LUM: variants seen among roughly 807,000 people sequenced by gnomAD.
LUM encodes the protein lumican, also known as KSPG lumican.
A neutral mutation model predicts 20.5 loss-of-function variants in LUM; 13 were observed. That is an observed-to-expected ratio of 0.63 (90% CI 0.41 to 1.01). The LOEUF (loss-of-function observed/expected upper bound fraction) is 1.01. Ranked by LOEUF, LUM falls within the 50% of genes least tolerant of loss-of-function variation. LUM has a pLI of 0.00. For missense variants in LUM, 321 were observed against 391.1 expected, an observed-to-expected ratio of 0.82 and a Z score of 1.51; for synonymous variants, 173 against 151.5, an observed-to-expected ratio of 1.14 and a Z score of -1.04.
At position 91,104,174 on chromosome 12, in the gene LUM, A is replaced by C. The variant is rs111724211; in HGVS notation, c.1008T>G (p.Thr336=). The part of the protein sequence containing the change: ...YECLRVANEV[T]LN ...TTCCAGGATACAGATATTAATTAAG[A>C]GTGACTTCGTTAGCAACACGTAGAC... The change falls in exon 3 of 3, where the codon ACT becomes ACG. Residue 336 remains threonine, a synonymous_variant. Transcript: ENST00000266718. The C allele has an allele frequency of 8.1e-6, 13 of 1,611,800 alleles. No individual in the cohort carries two copies. Among genetic ancestry groups the C allele is most frequent in the African/African-American group, 1.3e-5 (1 of 74,850 alleles).
At chr12:91,107,303 A>G (rs1466385061) in intron 2 of LUM, among the ~76,000 whole-genome samples, 47 of 136,512 alleles carry the variant, frequency 3.4e-4, no homozygotes, top group African/African-American at 1.3e-3. Flanking sequence ...GAAAGAAAGA[A>G]AGAAAGAAAG....
chr12:91,107,684 A>G (rs1236193637), intron 2 of LUM, among the ~76,000 whole-genome samples: 1 of 151,954 alleles, frequency 6.6e-6, no homozygotes, highest in Non-Finnish European at 1.5e-5. Flanking sequence ...AGCTAGAATT[A>G]TTCTTTGTTT....
chr12:91,108,072 T>C lies in LUM; in HGVS notation c.862+46A>G, dbSNP rs1488119043. 9.3e-6 allele frequency: 15 copies of C among 1,606,228 alleles called. No individual in the cohort carries two copies. The highest frequency in any genetic ancestry group is 1.3e-5 in the Non-Finnish European group (15 of 1,173,378). On this transcript the variant is annotated intron_variant, in intron 2 of 2. Transcript: ENST00000266718. The surrounding 1 kb of genome is among the most constrained non-coding windows in gnomAD (Gnocchi z 4.2). ...ATCTGTGTTGTGCAGCCCAGGTATT[T>C]AAACACTTGAGCACACATCAAACAC...
At chr12:91,107,949 G>T (rs982171791) in intron 2 of LUM, among the ~76,000 whole-genome samples, 169 bp downstream of exon 2, 1 of 151,954 alleles carries the variant, frequency 6.6e-6, no homozygotes, top group Non-Finnish European at 1.5e-5. Context: ...TCCTGACCTG[G>T]TGATCCGCCC....
At chr12:91,111,205 T>C (rs537940148) in intron 1 of LUM, among the ~76,000 whole-genome samples, 193 bp downstream of exon 1, 3 of 152,320 alleles carry the variant, frequency 2.0e-5, no homozygotes, top group Admixed American at 2.0e-4. Flanking sequence ...ATACAGCATA[T>C]ACTGTATAAA....
chr12:91,102,822 C>T lies in LUM; in HGVS notation c.*1343G>A, dbSNP rs9308292. ...TCAACTCAGTCTCAATGATGATCCT[C>T]TGATGAAAGGCCGCTGTACCATAAG... On this transcript the variant is annotated 3_prime_UTR_variant, in exon 3 of 3. Coordinates refer to ENST00000266718, the MANE Select transcript of LUM (RefSeq NM_002345.4). 0.96 allele frequency: 146,775 copies of T among 152,116 alleles called. 70,833 individuals are homozygous for T. The highest frequency in any genetic ancestry group is 1 in the East Asian group (5,170 of 5,170). 9.4% of individuals were successfully genotyped at this position (152,116 alleles called of 1,614,324 possible).
chr12:91,106,944 G>C (rs1486170407), intron 2 of LUM, among the ~76,000 whole-genome samples: 3 of 151,804 alleles, frequency 2.0e-5, no homozygotes, highest in Non-Finnish European at 4.4e-5. Context: ...GGCCAAGGCA[G>C]ATGGATCAGT....
chr12:91,108,928 C>T lies in LUM; in HGVS notation c.52G>A (p.Gly18Ser). 6.2e-7 allele frequency: 1 copy of T among 1,613,584 alleles called. No homozygotes were observed. Among genetic ancestry groups the T allele is most frequent in the South Asian group, 1.1e-5 (1 of 91,066 alleles). The change falls in exon 2 of 3, where the codon GGC becomes AGC. Residue 18 changes from glycine to serine, a missense_variant. Physicochemically the swap from Gly to Ser is moderately conservative, Grantham distance 56. Coordinates refer to ENST00000266718, the MANE Select transcript of LUM (RefSeq NM_002345.4). The surrounding 1 kb of genome is among the most constrained non-coding windows in gnomAD (Gnocchi z 4.2). ...GGAAAATCATAATCATAGTACTGGC[C>T]ACTGGTACCACCAATCAATGCCAGG... The part of the protein sequence containing the change: ...LFLALIGGTS[G>S]QYYDYDFPLS...
At position 91,103,984 on chromosome 12, in the gene LUM, G is replaced by C. The variant is rs1879969885; in HGVS notation, c.*181C>G. On this transcript the variant is annotated 3_prime_UTR_variant, in exon 3 of 3. Coordinates refer to ENST00000266718, the MANE Select transcript of LUM (RefSeq NM_002345.4). The stretch of plus-strand genomic sequence containing the variant: ...TTGATGTCTATTCGTGTATATGTGT[G>C]TGTTCTTGTGATGAAATAGGCCTGC... 1 of 545,556 alleles carries C rather than the reference G, an allele frequency of 1.8e-6. No individual in the cohort carries two copies. Among genetic ancestry groups the C allele is most frequent in the Admixed American group, 3.4e-5 (1 of 29,724 alleles). The allele number at this position is 545,556 out of a possible 1,614,324, so 33.8% of individuals were successfully genotyped here.
chr12:91,104,174 A>T lies in LUM; in HGVS notation c.1008T>A (p.Thr336=). 1 of 1,611,918 alleles carries T rather than the reference A, an allele frequency of 6.2e-7. No individual in the cohort carries two copies. The part of the protein sequence containing the change: ...YECLRVANEV[T]LN ...TTCCAGGATACAGATATTAATTAAG[A>T]GTGACTTCGTTAGCAACACGTAGAC... The change falls in exon 3 of 3, where the codon ACT becomes ACA. Residue 336 remains threonine (T), a synonymous_variant. Transcript: ENST00000266718.
chr12:91,103,930 AC>A lies in LUM; in HGVS notation c.*234del, dbSNP rs1879968408. 8.3e-6 allele frequency: 3 copies of A among 362,802 alleles called. No homozygotes were observed. The South Asian group carries it at 1.3e-4, about 15-fold the overall frequency. The allele number at this position is 362,802 out of a possible 1,614,324, so 22.5% of individuals were successfully genotyped here. On this transcript the variant is annotated 3_prime_UTR_variant, in exon 3 of 3. Coordinates refer to ENST00000266718, the MANE Select transcript of LUM (RefSeq NM_002345.4). Reference sequence around the variant, plus strand: ...ATCATTTGACAGTAGAAATAAAAAAACACTAAATTTACAAATAAAGCATTGA... The same window carrying A: ...ATCATTTGACAGTAGAAATAAAAAAAACTAAATTTACAAATAAAGCATTGA...
chr12:91,105,645 T>C (rs974649633), intron 2 of LUM, among the ~76,000 whole-genome samples: 1 of 152,208 alleles, frequency 6.6e-6, no homozygotes, highest in African/African-American at 2.4e-5. Flanking sequence ...AATACCTGAC[T>C]AAATGTACAA....
chr12:91,104,016 T>C lies in LUM; in HGVS notation c.*149A>G. 1 of 643,774 alleles carries C rather than the reference T, an allele frequency of 1.6e-6. No individual in the cohort carries two copies. The highest frequency in any genetic ancestry group is 2.6e-6 in the Non-Finnish European group (1 of 385,828). 39.9% of individuals were successfully genotyped at this position (643,774 alleles called of 1,614,324 possible). ...TGTGATGAAATAGGCCTGCCTTTCA[T>C]CTTTTCTTTAAAAAAAATAAATGTT... On this transcript the variant is annotated 3_prime_UTR_variant, in exon 3 of 3. Coordinates refer to ENST00000266718, the MANE Select transcript of LUM (RefSeq NM_002345.4).
intron 2 of LUM, among the ~76,000 whole-genome samples, chr12:91,107,517 A>C (rs1880109370): frequency 6.6e-6 from 1 of 152,094 alleles, no homozygotes; most frequent in South Asian, 2.1e-4. Flanking sequence ...CTAAGCCATA[A>C]AGGAGAAAAT....
rs532751432 is a variant in LUM, at chr12:91,110,689, GCA to G, written c.-22+707_-22+708del. On this transcript the variant is annotated intron_variant, in intron 1 of 2. Transcript: ENST00000266718. ...ATGAAAAATGCTTCCATATTTTTTG[GCA>G]AAGTAAAAACAAGGATGCTGAATTG... 9.9e-5 allele frequency among the ~76,000 whole-genome samples: 15 copies of G among 152,052 alleles called. No homozygotes were observed. The South Asian group carries it at 2.9e-3, about 30-fold the overall frequency.
intron 2 of LUM, among the ~76,000 whole-genome samples, chr12:91,107,216 AGAGAAAG>A (rs768861215): frequency 0.38 from 25,589 of 67,218 alleles, 8,858 homozygotes; most frequent in South Asian, 0.49. Flanking sequence ...AGAAAGAAAG[AGAGAAAG>A]AAGAAAGAAA....
Position 91,104,211 on chromosome 12 carries a change from T to C in LUM, c.971A>G (p.Asp324Gly). 1 of 1,612,906 alleles carries C rather than the reference T, an allele frequency of 6.2e-7. No homozygotes were observed. Among genetic ancestry groups the C allele is most frequent in the Non-Finnish European group, 8.5e-7 (1 of 1,179,108 alleles). Residue 324 changes from aspartate (D) to glycine (G), a missense_variant, in exon 3 of 3, where the codon GAT becomes GGT. Transcript: ENST00000266718. Reference sequence around the variant, plus strand: ...AGCAACACGTAGACATTCATACATATCCGGTGGAAGACTGGTTTCTGAGAT... The same window carrying C: ...AGCAACACGTAGACATTCATACATACCCGGTGGAAGACTGGTTTCTGAGAT... ...NRISETSLPP[D>G]MYECLRVANE...
chr12:91,107,336 AGAAAGAAAGG>A (rs1565758562), intron 2 of LUM, among the ~76,000 whole-genome samples: 3 of 144,450 alleles, frequency 2.1e-5, no homozygotes, highest in East Asian at 4.9e-4. Flanking sequence ...AAAGAAAGAA[AGAAAGAAAGG>A]GAAAGAAAGG....
intron 2 of LUM, among the ~76,000 whole-genome samples, chr12:91,104,835 C>T (rs1033680212): frequency 4.6e-5 from 7 of 152,038 alleles, no homozygotes; most frequent in Non-Finnish European, 1.0e-4. Context: ...AATCACACAC[C>T]ATAGCAATGA....
Sources: gnomAD v4.1 joint callset for allele counts (sites outside exome capture counted in the v4.1 genomes callset) on GRCh38, gnomAD v4.1.1 for gene constraint, Gnocchi (gnomAD v3.1) non-coding constraint, MANE v1.5 for transcripts, NCBI Gene and HGNC (gene_info 2026-07-23, HGNC 2026-07-21) for gene names.